Variants in CPED1 observed in about 807,000 individuals in gnomAD.
CPED1 encodes cadherin-like and PC-esterase domain-containing protein 1.
In CPED1, 114 loss-of-function variants were observed where a neutral mutation model predicts 128.2. The ratio of observed to expected loss-of-function variants is 0.89; its 90% CI spans 0.76 to 1.04. The LOEUF is 1.04. CPED1 is among the 50% of genes least tolerant of loss of function. The pLI is 0.00. For synonymous variants in CPED1, 462 were observed against 426.7 expected (o/e 1.08, Z -1.02); for missense variants, 1,211 against 1,207.1 (o/e 1.00, Z -0.05).
chr7:121,132,889 T>A (rs1270717397), intron 12 of CPED1, among the ~76,000 whole-genome samples: 2 of 152,106 alleles, frequency 1.3e-5, no homozygotes, highest in East Asian at 3.9e-4. Flanking sequence ...AAAATTATCA[T>A]GGCTTCCAAC....
intron 22 of CPED1, among the ~76,000 whole-genome samples, chr7:121,289,315 AAT>A (rs1351377058): frequency 6.6e-6 from 1 of 152,210 alleles, no homozygotes; most frequent in African/African-American, 2.4e-5. Context: ...TTCAAATGTG[AAT>A]AGTTTCAAAA....
chr7:121,099,060 C>T (rs1375529928), intron 6 of CPED1, among the ~76,000 whole-genome samples: 2 of 150,380 alleles, frequency 1.3e-5, no homozygotes, highest in African/African-American at 4.9e-5. Flanking sequence ...CTTAAGTTAA[C>T]TCTTCATTAT....
chr7:121,199,250 G>A (rs1164070760), intron 16 of CPED1, among the ~76,000 whole-genome samples: 3 of 152,090 alleles, frequency 2.0e-5, no homozygotes, highest in African/African-American at 7.2e-5. Flanking sequence ...CACACATGGG[G>A]TATAATAATG....
At chr7:121,122,684 G>A (rs997094405) in intron 7 of CPED1, among the ~76,000 whole-genome samples, 6 of 152,106 alleles carry the variant, frequency 3.9e-5, no homozygotes, top group Admixed American at 1.3e-4. Flanking sequence ...GTCTCCCAAA[G>A]CACAGAACAC....
intron 2 of CPED1, among the ~76,000 whole-genome samples, chr7:121,007,738 C>T (rs1452999410): frequency 6.6e-6 from 1 of 152,152 alleles, no homozygotes; most frequent in Non-Finnish European, 1.5e-5. Context: ...TGTTTTCATT[C>T]TCTGTACCTT....
chr7:121,050,460 G>GTTTTTTTT lies in CPED1; in HGVS notation c.540+3480_540+3487dup, dbSNP rs34017549. The GTTTTTTTT allele has an allele frequency of 7.4e-5, 8 of 108,478 alleles. 1 individual carries two copies. Among genetic ancestry groups the GTTTTTTTT allele is most frequent in the Admixed American group, 3.6e-4 (3 of 8,272 alleles). The allele number at this position is 108,478 out of a possible 1,614,324, so 6.7% of individuals were successfully genotyped here. On this transcript the variant is annotated intron_variant, in intron 4 of 22. Transcript: ENST00000310396. Reference sequence around the variant, plus strand: ...TATTGGTATTTTGGGGGCAATATAGGTTTTTTTTTTTTTTTTTTTTGAGAT... The same window carrying GTTTTTTTT: ...TATTGGTATTTTGGGGGCAATATAGGTTTTTTTTTTTTTTTTTTTTTTTTTTTTGAGAT...
intron 4 of CPED1, among the ~76,000 whole-genome samples, chr7:121,053,080 T>G (rs1273216072): frequency 6.6e-6 from 1 of 152,164 alleles, no homozygotes; most frequent in African/African-American, 2.4e-5. Flanking sequence ...AATACAAAGA[T>G]TTTTCCAAAT....
chr7:121,045,461 T>C (rs1793172802), intron 3 of CPED1, among the ~76,000 whole-genome samples: 1 of 152,186 alleles, frequency 6.6e-6, no homozygotes, highest in African/African-American at 2.4e-5. Flanking sequence ...ATGACTTGAT[T>C]GGTGGGGAGT....
chr7:121,023,643 T>C (rs1792497809), intron 3 of CPED1, among the ~76,000 whole-genome samples: 1 of 152,116 alleles, frequency 6.6e-6, no homozygotes, highest in Admixed American at 6.6e-5. Flanking sequence ...GAAATAGCAG[T>C]CAAGGAAGAG....
chr7:121,251,624 G>GA (rs1229004534), intron 18 of CPED1, among the ~76,000 whole-genome samples: 1 of 152,124 alleles, frequency 6.6e-6, no homozygotes, highest in African/African-American at 2.4e-5. Flanking sequence ...AAAGTCTCAG[G>GA]ATACAAAATC....
chr7:121,264,203 T>G (rs1792079076), intron 18 of CPED1, among the ~76,000 whole-genome samples: 1 of 152,164 alleles, frequency 6.6e-6, no homozygotes, highest in Admixed American at 6.6e-5. Flanking sequence ...ATGAGAAAAT[T>G]AATTTCTGTT....
intron 21 of CPED1, among the ~76,000 whole-genome samples, chr7:121,270,856 G>A (rs1431498965): frequency 3.3e-5 from 5 of 151,888 alleles, no homozygotes; most frequent in African/African-American, 4.8e-5. Context: ...GGTTATTAGG[G>A]CTCTTTTTTG....
At chr7:121,199,685 A>G (rs139801373) in intron 16 of CPED1, among the ~76,000 whole-genome samples, 1 of 56,848 alleles carries the variant, frequency 1.8e-5, no homozygotes, top group East Asian at 1.4e-3. Flanking sequence ...AAAAAAAAAA[A>G]AAAAAAAAAA....
intron 2 of CPED1, among the ~76,000 whole-genome samples, chr7:121,002,465 A>G (rs565984260): frequency 1.4e-4 from 21 of 152,302 alleles, no homozygotes; most frequent in African/African-American, 4.1e-4. Flanking sequence ...ATCTTTAAGA[A>G]CTATCTTTTG....
chr7:121,024,272 A>T lies in CPED1; in HGVS notation c.433+8424A>T, dbSNP rs527260212. Among the ~76,000 whole-genome samples, 8 of 152,202 alleles carry T rather than the reference A, an allele frequency of 5.3e-5. No homozygotes were observed. The South Asian group carries it at 1.7e-3, about 32-fold the overall frequency. Reference sequence around the variant, plus strand: ...TCAATTTACTTTAATTTTTGAAAAAAATTTTCTTATTTATAAAAGTTGAGC... The same window carrying T: ...TCAATTTACTTTAATTTTTGAAAAATATTTTCTTATTTATAAAAGTTGAGC... On this transcript the variant is annotated intron_variant, in intron 3 of 22. Transcript: ENST00000310396.
intron 16 of CPED1, among the ~76,000 whole-genome samples, chr7:121,183,910 T>G (rs7805735): frequency 1.8e-4 from 28 of 151,834 alleles, no homozygotes; most frequent in Non-Finnish European, 3.2e-4. Flanking sequence ...AAGGCTGAGG[T>G]GGGCAGATTA....
intron 18 of CPED1, among the ~76,000 whole-genome samples, chr7:121,252,764 A>ATT (rs1798709503): frequency 6.6e-6 from 1 of 152,202 alleles, no homozygotes; most frequent in African/African-American, 2.4e-5. Flanking sequence ...CCACAGTGAG[A>ATT]TAGCATCTCA....
In CPED1 at chr7:121,191,962, G is replaced by T. The variant is rs138923967; in HGVS notation, c.2056-44752G>T. Among the ~76,000 whole-genome samples the T allele has an allele frequency of 3.1e-3, 479 of 152,130 alleles. 5 individuals are homozygous for T. Among genetic ancestry groups the T allele is most frequent in the African/African-American group, 0.011 (452 of 41,506 alleles). ...CCAAAACACTTCCTTGATGATAAGT[G>T]ATATAAGTAGGCCTTAAAAATACAT... On this transcript the variant is annotated intron_variant, in intron 16 of 22. Coordinates refer to ENST00000310396, the MANE Select transcript of CPED1 (RefSeq NM_024913.5).
intron 18 of CPED1, among the ~76,000 whole-genome samples, chr7:121,256,135 A>AAAAAAAAAAAAAAAAAAAAAAAAC (rs1562852781): frequency 1.3e-5 from 2 of 148,974 alleles, no homozygotes; most frequent in African/African-American, 5.0e-5. Context: ...AAAACAAAAA[A>AAAAAAAAAAAAAAAAAAAAAAAAC]AAAAAACAAA....
Sources: gnomAD v4.1 joint callset for allele counts (sites outside exome capture counted in the v4.1 genomes callset) on GRCh38, gnomAD v4.1.1 for gene constraint, MANE v1.5 for transcripts, NCBI Gene and HGNC (gene_info 2026-07-23, HGNC 2026-07-21) for gene names.